ZFHX4: variants seen among roughly 807,000 people sequenced by gnomAD.
ZFHX4 encodes the protein zinc finger homeobox protein 4.
Under a neutral mutation model 267.6 loss-of-function variants are expected in ZFHX4, and 56 were observed. That is an observed-to-expected ratio of 0.21 (90% CI 0.17 to 0.26). The LOEUF (loss-of-function observed/expected upper bound fraction) is 0.26, where lower values mean the gene tolerates loss of function less well. Among genes scored for constraint, ZFHX4 ranks in the 10% least tolerant of loss-of-function variants. ZFHX4 has a pLI of 1.00. For synonymous variants in ZFHX4, 1,778 were observed against 1,665.6 expected, an observed-to-expected ratio of 1.07 and a Z score of -1.64; for missense variants, 4,332 against 4,420.0, an observed-to-expected ratio of 0.98 and a Z score of 0.56.
intron 4 of ZFHX4, among the ~76,000 whole-genome samples, chr8:76,805,133 C>T (rs894005717): frequency 4.2e-4 from 64 of 152,224 alleles, no homozygotes; most frequent in African/African-American, 1.5e-3. Context: ...TCATGCCTAA[C>T]GCTGCCTGAT....
At chr8:76,690,951 A>T (rs1469765173) in intron 1 of ZFHX4, among the ~76,000 whole-genome samples, 2 of 152,154 alleles carry the variant, frequency 1.3e-5, no homozygotes, top group Admixed American at 1.3e-4. Context: ...TGGCCTTACG[A>T]TCATTCAGTT....
In ZFHX4 at chr8:76,783,827, T is replaced by C. The variant is rs192416774; in HGVS notation, c.3325+5388T>C. 5.3e-3 allele frequency among the ~76,000 whole-genome samples: 812 copies of C among 152,150 alleles called. 5 individuals are homozygous for C. The highest frequency in any genetic ancestry group is 0.014 in the African/African-American group (590 of 41,554). ...AAATGGGGCTTCCAGTTGTCAACAT[T>C]GTAAATATCAATAAATATATTAAGA... On this transcript the variant is annotated intron_variant, in intron 4 of 10. Transcript: ENST00000651372.
At chr8:76,790,159 C>A (rs1810796742) in intron 4 of ZFHX4, among the ~76,000 whole-genome samples, 1 of 152,120 alleles carries the variant, frequency 6.6e-6, no homozygotes, top group Non-Finnish European at 1.5e-5. Flanking sequence ...AGAAAGTACA[C>A]TTTCCTATAT....
chr8:76,834,710 C>T (rs925442351), intron 5 of ZFHX4, among the ~76,000 whole-genome samples: 8 of 151,864 alleles, frequency 5.3e-5, no homozygotes, highest in African/African-American at 1.5e-4. Context: ...TCATTATTTT[C>T]CAACAGTATC....
Position 76,863,589 on chromosome 8 carries a change from G to A in ZFHX4, c.9875G>A (p.Gly3292Asp). 1 of 1,613,768 alleles carries A rather than the reference G, an allele frequency of 6.2e-7. No homozygotes were observed. The highest frequency in any genetic ancestry group is 1.1e-5 in the South Asian group (1 of 91,070). The change falls in exon 11 of 11, where the codon GGC (glycine) becomes GAC (aspartate). Residue 3292 changes from glycine to aspartate, a missense_variant. By Grantham distance (94) the Gly-to-Asp change is moderately conservative (BLOSUM62 -1). Coordinates refer to ENST00000651372, the MANE Select transcript of ZFHX4 (RefSeq NM_024721.5). ...GGGGGATACTTCCCACCTGTCTGTG[G>A]CATGGAGAGCCTCTTTCCTTATGGC... ...VQGGYFPPVC[G>D]MESLFPYGPT...
intron 4 of ZFHX4, among the ~76,000 whole-genome samples, chr8:76,823,261 C>G (rs1307316511): frequency 6.6e-6 from 1 of 151,816 alleles, no homozygotes. Context: ...CCAAGGAACT[C>G]TTTGCCAATA....
chr8:76,742,893 A>G (rs906774686), intron 3 of ZFHX4, among the ~76,000 whole-genome samples: 31 of 152,172 alleles, frequency 2.0e-4, no homozygotes, highest in African/African-American at 7.2e-4. Context: ...GACATCTTAC[A>G]AGCCACTTTT....
chr8:76,698,890 C>T (rs868430431), intron 1 of ZFHX4, among the ~76,000 whole-genome samples: 7 of 152,244 alleles, frequency 4.6e-5, no homozygotes, highest in Admixed American at 2.0e-4. Context: ...GTCACACATT[C>T]TTTTGCAGTT....
intron 1 of ZFHX4, among the ~76,000 whole-genome samples, chr8:76,697,882 G>T (rs1410879227): frequency 6.6e-6 from 1 of 152,008 alleles, no homozygotes; most frequent in African/African-American, 2.4e-5. Flanking sequence ...AAGAGGAGAT[G>T]ATTAATGCTG....
chr8:76,766,135 C>T (rs534482499), intron 3 of ZFHX4, among the ~76,000 whole-genome samples: 22 of 151,540 alleles, frequency 1.5e-4, no homozygotes, highest in Admixed American at 1.3e-3. Flanking sequence ...AATAGTACCA[C>T]CACATTTTTA....
At chr8:76,728,813 C>G (rs932426386) in intron 3 of ZFHX4, among the ~76,000 whole-genome samples, 1 of 152,092 alleles carries the variant, frequency 6.6e-6, no homozygotes, top group African/African-American at 2.4e-5. Flanking sequence ...TTTGTGTTGA[C>G]TCTTTAAATA....
At chr8:76,764,137 T>C (rs192341217) in intron 3 of ZFHX4, among the ~76,000 whole-genome samples, 1 of 152,310 alleles carries the variant, frequency 6.6e-6, no homozygotes, top group Admixed American at 6.5e-5. Context: ...TTCAAAAGAC[T>C]ATACAAAGAA....
chr8:76,725,661 G>T (rs559925851), intron 3 of ZFHX4, among the ~76,000 whole-genome samples: 23 of 152,154 alleles, frequency 1.5e-4, no homozygotes, highest in Admixed American at 6.6e-5. Flanking sequence ...AAGGGCATAA[G>T]TTTCTTGCCC....
Position 76,844,628 on chromosome 8 carries a change from T to A in ZFHX4, c.3511+1857T>A, listed in dbSNP as rs1812319228. On this transcript the variant is annotated intron_variant, in intron 6 of 10. Transcript: ENST00000651372. ...TTACTATTCTTCCTTGGGCACCTAA[T>A]TGTACCATCCAGACAAGACTTGGGC... Among the ~76,000 whole-genome samples, 6 of 152,142 alleles carry A rather than the reference T, an allele frequency of 3.9e-5. No individual in the cohort carries two copies. The South Asian group carries it at 1.2e-3, about 32-fold the overall frequency.
At chr8:76,763,034 T>A (rs1341410778) in intron 3 of ZFHX4, among the ~76,000 whole-genome samples, 1 of 152,240 alleles carries the variant, frequency 6.6e-6, no homozygotes, top group African/African-American at 2.4e-5. Flanking sequence ...AATATCTTTG[T>A]CATCTTTATT....
At chr8:76,849,394 T>C in intron 7 of ZFHX4, 118 bp from the exon 8 acceptor site, 2 of 968,132 alleles carry the variant, frequency 2.1e-6, no homozygotes, top group Admixed American at 4.0e-5. Context: ...CCTGATTTGA[T>C]TATTACACAT....
At chr8:76,739,042 A>G (rs1257387185) in intron 3 of ZFHX4, among the ~76,000 whole-genome samples, 1 of 152,012 alleles carries the variant, frequency 6.6e-6, no homozygotes, top group Non-Finnish European at 1.5e-5. Flanking sequence ...AAATTCTTCT[A>G]GACCCATGTA....
At chr8:76,861,408 C>T (rs1296072887) in intron 10 of ZFHX4, among the ~76,000 whole-genome samples, 1 of 152,142 alleles carries the variant, frequency 6.6e-6, no homozygotes, top group Non-Finnish European at 1.5e-5. Flanking sequence ...GAATGTTTAG[C>T]AGCAGTTCCC....
chr8:76,806,814 G>A (rs2131837200), intron 4 of ZFHX4, among the ~76,000 whole-genome samples: 2 of 152,084 alleles, frequency 1.3e-5, no homozygotes, highest in South Asian at 4.1e-4. Flanking sequence ...GTCCTTGCAA[G>A]CCAATTCATA....
Sources: gnomAD v4.1 joint callset for allele counts (sites outside exome capture counted in the v4.1 genomes callset) on GRCh38, gnomAD v4.1.1 for gene constraint, MANE v1.5 for transcripts, NCBI Gene and HGNC (gene_info 2026-07-23, HGNC 2026-07-21) for gene names.